The following DYNC1I1 variants were observed in gnomAD, a reference collection of about 807,000 sequenced individuals.
DYNC1I1 encodes dynein cytoplasmic 1 intermediate chain 1, also known as cytoplasmic dynein 1 intermediate chain 1.
DYNC1I1 carries 43 observed loss-of-function variants against 86.6 expected under a neutral mutation model. That is an observed-to-expected ratio of 0.50 (90% CI 0.39 to 0.64). The LOEUF (loss-of-function observed/expected upper bound fraction) is 0.64, where lower values mean the gene tolerates loss of function less well. DYNC1I1 is among the 30% of genes least tolerant of loss of function. DYNC1I1 has a pLI of 0.00. For missense variants in DYNC1I1, 604 were observed against 788.8 expected (o/e 0.77, Z 2.81); for synonymous variants, 262 against 283.7 (o/e 0.92, Z 0.77).
chr7:95,859,653 G>A (rs1789823135), intron 5 of DYNC1I1, among the ~76,000 whole-genome samples: 1 of 152,252 alleles, frequency 6.6e-6, no homozygotes, highest in Admixed American at 6.5e-5. Context: ...GGAATCTCCT[G>A]CCACTGAGAG....
intron 14 of DYNC1I1, among the ~76,000 whole-genome samples, chr7:96,045,761 T>C (rs192953929): frequency 1.8e-4 from 28 of 152,000 alleles, no homozygotes; most frequent in African/African-American, 6.8e-4. Context: ...GCATGTATCA[T>C]GGAATAAGAG....
At chr7:96,090,911 C>T (rs991723170) in intron 16 of DYNC1I1, among the ~76,000 whole-genome samples, 1 of 152,134 alleles carries the variant, frequency 6.6e-6, no homozygotes, top group Non-Finnish European at 1.5e-5. Context: ...GTGGTTTCAT[C>T]CATTGTTAGC....
At chr7:95,924,740 A>G (rs1791696855) in intron 6 of DYNC1I1, among the ~76,000 whole-genome samples, 1 of 152,200 alleles carries the variant, frequency 6.6e-6, no homozygotes, top group African/African-American at 2.4e-5. Context: ...GAAAGCTAGT[A>G]CAGCACAGTG....
intron 10 of DYNC1I1, among the ~76,000 whole-genome samples, chr7:96,002,799 AT>A (rs375524642): frequency 1.5e-4 from 22 of 144,386 alleles, no homozygotes; most frequent in Admixed American, 1.1e-3. Context: ...TAAGCTCAGC[AT>A]TTTTTTTTTG....
intron 6 of DYNC1I1, among the ~76,000 whole-genome samples, chr7:95,912,190 C>A (rs1345865346): frequency 6.6e-6 from 1 of 152,152 alleles, no homozygotes; most frequent in Non-Finnish European, 1.5e-5. Flanking sequence ...GCATGTGCCA[C>A]CACACCCGGC....
intron 14 of DYNC1I1, among the ~76,000 whole-genome samples, chr7:96,070,335 C>T (rs989264636): frequency 1.5e-4 from 23 of 151,932 alleles, no homozygotes; most frequent in African/African-American, 5.3e-4. Context: ...TTTGTGTGAG[C>T]CTGAAGTTTT....
At chr7:95,991,334 A>G (rs574300632) in intron 9 of DYNC1I1, among the ~76,000 whole-genome samples, 2 of 152,358 alleles carry the variant, frequency 1.3e-5, no homozygotes, top group South Asian at 2.1e-4. Flanking sequence ...TCTATTGGAC[A>G]TATTCTTCTT....
chr7:95,846,627 C>CTCTGTGTG (rs1470021957), intron 5 of DYNC1I1, among the ~76,000 whole-genome samples: 2 of 136,484 alleles, frequency 1.5e-5, no homozygotes, highest in African/African-American at 5.4e-5. Context: ...ATCTCTCTCT[C>CTCTGTGTG]TGTGTGTGTG....
At chr7:95,898,909 T>A (rs528603430) in intron 6 of DYNC1I1, among the ~76,000 whole-genome samples, 22 of 152,308 alleles carry the variant, frequency 1.4e-4, no homozygotes, top group East Asian at 3.9e-4. Context: ...TCTCTTTTTT[T>A]AAAAATACAA....
At chr7:95,810,578 C>T in intron 3 of DYNC1I1, 72 bp downstream of exon 3, 1 of 1,236,694 alleles carries the variant, frequency 8.1e-7, no homozygotes, top group Non-Finnish European at 1.1e-6. Flanking sequence ...CCAGTGTTTA[C>T]TATTCTTTTA....
rs767795886 is a variant in DYNC1I1 at position 96,097,447 on chromosome 7, T to C, written c.1777-36T>C. The C allele has an allele frequency of 2.5e-6, 4 of 1,611,374 alleles. No homozygotes were observed. The Admixed American group carries it at 5.0e-5, about 20-fold the overall frequency. Reference sequence around the variant, plus strand: ...TCAAGGCTTTCAGACATGAAAGATATCTTGTTCATCATTTCTCCATTGATT... The same window carrying C: ...TCAAGGCTTTCAGACATGAAAGATACCTTGTTCATCATTTCTCCATTGATT... On this transcript the variant is annotated intron_variant, in intron 16 of 16. Transcript: ENST00000447467.
At chr7:95,834,841 G>A (rs1297600907) in intron 5 of DYNC1I1, among the ~76,000 whole-genome samples, 5 of 149,108 alleles carry the variant, frequency 3.4e-5, no homozygotes, top group South Asian at 2.1e-4. Context: ...TTTTTATTGT[G>A]TCTATTTGAT....
intron 6 of DYNC1I1, among the ~76,000 whole-genome samples, chr7:95,910,187 G>A (rs945005603): frequency 1.3e-5 from 2 of 152,054 alleles, no homozygotes; most frequent in African/African-American, 4.8e-5. Context: ...TCAATATTGA[G>A]TCCCTCCTAA....
chr7:95,811,731 G>C (rs1794835238), intron 3 of DYNC1I1, among the ~76,000 whole-genome samples: 1 of 152,006 alleles, frequency 6.6e-6, no homozygotes, highest in African/African-American at 2.4e-5. Context: ...GTAACCTAGG[G>C]GACGTTATAT....
chr7:95,821,769 C>A (rs1277196780), intron 4 of DYNC1I1, among the ~76,000 whole-genome samples: 2 of 152,082 alleles, frequency 1.3e-5, no homozygotes, highest in African/African-American at 4.8e-5. Flanking sequence ...AGGAGTAATT[C>A]TATTTTTTAT....
intron 2 of DYNC1I1, among the ~76,000 whole-genome samples, chr7:95,805,757 C>G (rs56178805): frequency 0.068 from 10,424 of 152,176 alleles, 489 homozygotes; most frequent in Non-Finnish European, 0.097. Context: ...AAGAAGAAAA[C>G]TTCGTGTGGT....
chr7:95,978,471 G>T (rs1279507324), intron 7 of DYNC1I1, among the ~76,000 whole-genome samples: 1 of 152,218 alleles, frequency 6.6e-6, no homozygotes, highest in Non-Finnish European at 1.5e-5. Context: ...AGACAGAAGA[G>T]AATTTTGAAC....
At chr7:95,930,021 C>T (rs900630238) in intron 6 of DYNC1I1, among the ~76,000 whole-genome samples, 3 of 152,174 alleles carry the variant, frequency 2.0e-5, no homozygotes, top group Admixed American at 6.5e-5. Flanking sequence ...GTTAGATTCA[C>T]GAATGCTAGA....
At chr7:95,960,853 C>T (rs1792849328) in intron 6 of DYNC1I1, among the ~76,000 whole-genome samples, 1 of 152,178 alleles carries the variant, frequency 6.6e-6, no homozygotes, top group Admixed American at 6.5e-5. Context: ...TCGTCTAGAC[C>T]TGTTTGAGTG....
Sources: gnomAD v4.1 joint callset for allele counts (sites outside exome capture counted in the v4.1 genomes callset) on GRCh38, gnomAD v4.1.1 for gene constraint, MANE v1.5 for transcripts, NCBI Gene and HGNC (gene_info 2026-07-23, HGNC 2026-07-21) for gene names.